Variants in RPA1 observed in about 807,000 individuals in gnomAD.
RPA1 encodes the protein replication protein A 70 kDa DNA-binding subunit.
A neutral mutation model predicts 83.0 loss-of-function variants in RPA1; 49 were observed. The ratio of observed to expected loss-of-function variants is 0.59; its 90% CI spans 0.47 to 0.75. The LOEUF is 0.75. RPA1 is among the 30% of genes least tolerant of loss of function. RPA1 has a pLI of 0.00. For synonymous variants in RPA1, 279 were observed against 281.8 expected, an observed-to-expected ratio of 0.99 and a Z score of 0.10; for missense variants, 693 against 776.1, an observed-to-expected ratio of 0.89 and a Z score of 1.27.
chr17:1,848,854 G>A (rs1330213747), intron 4 of RPA1, among the ~76,000 whole-genome samples: 1 of 151,956 alleles, frequency 6.6e-6, no homozygotes, highest in Non-Finnish European at 1.5e-5. Context: ...GTGAGCCACC[G>A]CACCCAGCCT....
At chr17:1,895,659 G>GTATTATT (rs149258342) in intron 16 of RPA1, among the ~76,000 whole-genome samples, 10,453 of 141,734 alleles carry the variant, frequency 0.074, 495 homozygotes, top group Non-Finnish European at 0.093. Context: ...ATACCATATA[G>GTATTATT]TATTTATTTA....
At chr17:1,875,053 G>A (rs1913524041) in intron 6 of RPA1, among the ~76,000 whole-genome samples, 1 of 152,212 alleles carries the variant, frequency 6.6e-6, no homozygotes, top group Admixed American at 6.5e-5. Context: ...TTGGATTAAG[G>A]AGGCGGAAGG....
intron 5 of RPA1, among the ~76,000 whole-genome samples, chr17:1,868,025 A>G (rs1322016639): frequency 2.6e-5 from 4 of 152,140 alleles, no homozygotes; most frequent in African/African-American, 9.7e-5. Flanking sequence ...CAAGGCCTGC[A>G]GTGAGCTATG....
chr17:1,846,745 G>C (rs887697499), intron 4 of RPA1, among the ~76,000 whole-genome samples: 5 of 152,224 alleles, frequency 3.3e-5, no homozygotes, highest in South Asian at 4.1e-4. Context: ...TTGAGTTCCA[G>C]TTTTTTACAT....
At chr17:1,858,384 C>T (rs748270456) in intron 5 of RPA1, 42 of 1,599,700 alleles carry the variant, frequency 2.6e-5, no homozygotes, top group Non-Finnish European at 3.1e-5. Flanking sequence ...TGATACAGAG[C>T]TGAGGGCTAA....
Position 1,895,115 on chromosome 17 carries a change from G to A in RPA1, c.1746+20G>A. ...TACAACGTAAGTAAGGGCCTGGGCA[G>A]CAGGGTTGGTGGTGGGGAGGTGCTG... On this transcript the variant is annotated intron_variant, in intron 16 of 16. Coordinates refer to ENST00000254719, the MANE Select transcript of RPA1 (RefSeq NM_002945.5). The A allele has an allele frequency of 1.2e-6, 2 of 1,600,278 alleles. No homozygotes were observed. Among genetic ancestry groups the A allele is most frequent in the South Asian group, 1.1e-5 (1 of 90,384 alleles).
Position 1,843,906 on chromosome 17 carries a change from G to A in RPA1, c.85-14G>A. ...GCAGACAACCTGGCTAATGAATCAA[G>A]TTTTCTGTCCTAGAACATCCGTCCC... On this transcript the variant is annotated splice_polypyrimidine_tract_variant and intron_variant, in intron 2 of 16. Coordinates refer to ENST00000254719, the MANE Select transcript of RPA1 (RefSeq NM_002945.5). The A allele has an allele frequency of 6.2e-7, 1 of 1,612,382 alleles. No individual in the cohort carries two copies. The highest frequency in any genetic ancestry group is 8.5e-7 in the Non-Finnish European group (1 of 1,179,194).
At chr17:1,839,368 C>T (rs571780327) in intron 1 of RPA1, among the ~76,000 whole-genome samples, 30 of 151,830 alleles carry the variant, frequency 2.0e-4, no homozygotes, top group Non-Finnish European at 4.1e-4. Flanking sequence ...GCTCTGTCGC[C>T]AGGCTGGAGT....
chr17:1,879,815 A>AGG (rs1913713958), intron 11 of RPA1, 116 bp downstream of exon 11: 1 of 1,318,422 alleles, frequency 7.6e-7, no homozygotes, highest in South Asian at 1.3e-5. Flanking sequence ...GAGTTGGGGG[A>AGG]GGGAGTGGTC....
At chr17:1,861,841 C>T (rs1323879485) in intron 5 of RPA1, among the ~76,000 whole-genome samples, 2 of 152,152 alleles carry the variant, frequency 1.3e-5, no homozygotes, top group Non-Finnish European at 1.5e-5. Flanking sequence ...CTCCTTGCCT[C>T]AGCCTCCTCA....
chr17:1,877,211 G>C lies in RPA1; in HGVS notation c.588-1G>C. 1 of 1,614,100 alleles carries C rather than the reference G, an allele frequency of 6.2e-7. No homozygotes were observed. Among genetic ancestry groups the C allele is most frequent in the Non-Finnish European group, 8.5e-7 (1 of 1,179,952 alleles). ...ACTAATATGATCGATTTGGTTTGTA[G>C]GTGGACCATTTGTGCTCGTGTTACC... On this transcript the variant is annotated splice_acceptor_variant, in intron 7 of 16. Transcript: ENST00000254719. LOFTEE classifies it high-confidence loss of function.
In RPA1 at chr17:1,899,292, C is replaced by CAGTTTGTAGAATTCTCTTGGATAT. The variant is rs1555597822; in HGVS notation, c.*2122_*2123insGTAGAATTCTCTTGGATATAGTTT. 5.9e-5 allele frequency: 9 copies of CAGTTTGTAGAATTCTCTTGGATAT among 152,536 alleles called. No homozygotes were observed. Among genetic ancestry groups the CAGTTTGTAGAATTCTCTTGGATAT allele is most frequent in the Non-Finnish European group, 8.8e-5 (6 of 68,004 alleles). The allele number at this position is 152,536 out of a possible 1,614,324, so 9.4% of individuals were successfully genotyped here. A position where few individuals can be genotyped will look rare whatever the true frequency, so the allele number is the denominator to read the frequency against. ...GGTTGCCTAAATAGATTCTGGCCCACAGTTTACCTCGAAAGGCTGTTGATG... is the reference window on the plus strand; with the variant it reads ...GGTTGCCTAAATAGATTCTGGCCCACAGTTTGTAGAATTCTCTTGGATATAGTTTACCTCGAAAGGCTGTTGATG... On this transcript the variant is annotated 3_prime_UTR_variant, in exon 17 of 17. Coordinates refer to ENST00000254719, the MANE Select transcript of RPA1 (RefSeq NM_002945.5).
intron 6 of RPA1, among the ~76,000 whole-genome samples, chr17:1,874,548 G>A (rs548896859): frequency 6.6e-6 from 1 of 152,328 alleles, no homozygotes; most frequent in South Asian, 2.1e-4. Flanking sequence ...ACTATGTAGT[G>A]AAAGGAAATG....
chr17:1,836,956 G>A (rs1001179053), intron 1 of RPA1, among the ~76,000 whole-genome samples: 1 of 151,220 alleles, frequency 6.6e-6, no homozygotes, highest in East Asian at 1.9e-4. Flanking sequence ...TCTTCCCTCA[G>A]CCTCCCGAGT....
In RPA1 at chr17:1,898,184, T is replaced by G. The variant is rs1288206295; in HGVS notation, c.*1009T>G. 6.6e-6 allele frequency: 1 copy of G among 152,216 alleles called. No individual in the cohort carries two copies. The highest frequency in any genetic ancestry group is 1.5e-5 in the Non-Finnish European group (1 of 68,036). 9.4% of individuals were successfully genotyped at this position (152,216 alleles called of 1,614,324 possible). On this transcript the variant is annotated 3_prime_UTR_variant, in exon 17 of 17. Coordinates refer to ENST00000254719, the MANE Select transcript of RPA1 (RefSeq NM_002945.5). Reference sequence around the variant, plus strand: ...AACTCATTATAAACCCGAAGATTAGTCCAAGGCATGGAGATCCTTCTTCCT... The same window carrying G: ...AACTCATTATAAACCCGAAGATTAGGCCAAGGCATGGAGATCCTTCTTCCT...
chr17:1,876,967 G>A (rs1271187048), intron 7 of RPA1, among the ~76,000 whole-genome samples: 1 of 152,168 alleles, frequency 6.6e-6, no homozygotes, highest in Non-Finnish European at 1.5e-5. Flanking sequence ...AAGGGAGAGA[G>A]TTTATAAATT....
At chr17:1,889,551 GGTTGGTCTCAA>G (rs1306703897) in intron 14 of RPA1, among the ~76,000 whole-genome samples, 1 of 151,974 alleles carries the variant, frequency 6.6e-6, no homozygotes, top group Non-Finnish European at 1.5e-5. Context: ...CTGCTGTTCA[GGTTGGTCTCAA>G]GTTCCTGGCC....
chr17:1,841,806 T>C (rs934146873), intron 1 of RPA1, among the ~76,000 whole-genome samples: 3 of 152,304 alleles, frequency 2.0e-5, no homozygotes, highest in East Asian at 1.9e-4. Flanking sequence ...ATTACTTCTA[T>C]GCCTAGTTTG....
rs1327770884 is a variant in RPA1 at position 1,884,753 on chromosome 17, G to A, written c.1374+809G>A. On this transcript the variant is annotated intron_variant, in intron 13 of 16. Transcript: ENST00000254719. This position sits in a 1 kb window ranked among gnomAD's most constrained non-coding sequence, Gnocchi z 4.1. ...GGGACACCCACTCTTTCGGTTCTCTGTAATCCCAGCTACCCAGGAGGCTGA... is the reference window on the plus strand; with the variant it reads ...GGGACACCCACTCTTTCGGTTCTCTATAATCCCAGCTACCCAGGAGGCTGA... Among the ~76,000 whole-genome samples, 1 of 152,136 alleles carries A rather than the reference G, an allele frequency of 6.6e-6. No individual in the cohort carries two copies. The highest frequency in any genetic ancestry group is 6.6e-5 in the Admixed American group (1 of 15,264).
Sources: gnomAD v4.1 joint callset for allele counts (sites outside exome capture counted in the v4.1 genomes callset) on GRCh38, gnomAD v4.1.1 for gene constraint, Gnocchi (gnomAD v3.1) non-coding constraint, MANE v1.5 for transcripts, NCBI Gene and HGNC (gene_info 2026-07-23, HGNC 2026-07-21) for gene names.